CDH13: variants seen among roughly 807,000 people sequenced by gnomAD.
The protein encoded by CDH13 is cadherin 13, also known as cadherin-13.
In CDH13, 24 loss-of-function variants were observed where a neutral mutation model predicts 63.8. The ratio of observed to expected loss-of-function variants is 0.38; its 90% CI spans 0.27 to 0.53. The LOEUF is 0.53. CDH13 is among the 20% of genes least tolerant of loss of function. CDH13 has a pLI of 0.85. For synonymous variants in CDH13, 503 were observed against 355.3 expected (o/e 1.42, Z -4.67); for missense variants, 1,049 against 903.1 (o/e 1.16, Z -2.07).
chr16:83,061,625 A>T (rs2031558058), intron 3 of CDH13, among the ~76,000 whole-genome samples: 1 of 152,230 alleles, frequency 6.6e-6, no homozygotes, highest in Non-Finnish European at 1.5e-5. Context: ...TCACCAAATG[A>T]CTGTGACACT....
intron 2 of CDH13, among the ~76,000 whole-genome samples, chr16:83,017,397 G>A (rs980639329): frequency 8.6e-5 from 13 of 151,980 alleles, no homozygotes; most frequent in Non-Finnish European, 1.5e-4. Flanking sequence ...GAATAACTTC[G>A]AACATTTACT....
rs570158540 is a variant in CDH13, at chr16:83,103,598, T to G, written c.367-21787T>G. On this transcript the variant is annotated intron_variant, in intron 3 of 13. Transcript: ENST00000567109. ...CACATGCAGGAGATAAGAGGTAGAG[T>G]GGGTGATGGTCCAGGCTCTGAGCGG... 2.6e-5 allele frequency among the ~76,000 whole-genome samples: 4 copies of G among 151,966 alleles called. No homozygotes were observed. The South Asian group carries it at 8.3e-4, about 32-fold the overall frequency.
At chr16:83,711,081 G>A (rs1907969484) in intron 10 of CDH13, among the ~76,000 whole-genome samples, 2 of 152,118 alleles carry the variant, frequency 1.3e-5, no homozygotes, top group South Asian at 2.1e-4. Context: ...ACCACCTTGG[G>A]GCAGGTGCCA....
intron 7 of CDH13, among the ~76,000 whole-genome samples, chr16:83,545,474 T>C (rs1229061736): frequency 2.6e-5 from 4 of 152,176 alleles, no homozygotes; most frequent in African/African-American, 9.7e-5. Flanking sequence ...CTTAAAGAAG[T>C]CTCATTGTCT....
chr16:82,681,121 C>T (rs1017972128), intron 1 of CDH13, among the ~76,000 whole-genome samples: 1 of 152,192 alleles, frequency 6.6e-6, no homozygotes, highest in Middle Eastern at 3.2e-3. Flanking sequence ...CTTGGGAAGA[C>T]TCTGGTGTCT....
rs369127514 is a variant in CDH13, at chr16:83,743,010, C to G, written c.1539-5098C>G. Among the ~76,000 whole-genome samples, 9 of 152,256 alleles carry G rather than the reference C, an allele frequency of 5.9e-5. No individual in the cohort carries two copies. In the South Asian group the frequency reaches 1.2e-3, roughly 21 times the overall value. On this transcript the variant is annotated intron_variant, in intron 10 of 13. Coordinates refer to ENST00000567109, the MANE Select transcript of CDH13 (RefSeq NM_001257.5). The stretch of plus-strand genomic sequence containing the variant: ...ATCGCTTGAGGTCAGGAGTTCGAGA[C>G]CAGCCTGGCCAACTTGGTGAAACCC...
intron 2 of CDH13, among the ~76,000 whole-genome samples, chr16:82,930,467 C>G (rs902298716): frequency 1.4e-4 from 12 of 83,970 alleles, no homozygotes; most frequent in African/African-American, 6.3e-4. Context: ...AATGTTTTAA[C>G]TTTTTCTTGA....
At chr16:83,134,583 G>GAGAA (rs1555600118) in intron 4 of CDH13, among the ~76,000 whole-genome samples, 3 of 59,762 alleles carry the variant, frequency 5.0e-5, no homozygotes, top group African/African-American at 3.7e-4. Context: ...GAGAGAGAGA[G>GAGAA]AGAGAGAGAG....
chr16:82,887,279 C>A (rs1876367612), intron 2 of CDH13, among the ~76,000 whole-genome samples: 1 of 152,258 alleles, frequency 6.6e-6, no homozygotes, highest in Middle Eastern at 3.4e-3. Context: ...TAGTAAGAGT[C>A]TAATTTGGCC....
chr16:83,208,492 G>A (rs1258104572), intron 4 of CDH13, among the ~76,000 whole-genome samples: 1 of 151,592 alleles, frequency 6.6e-6, no homozygotes, highest in Non-Finnish European at 1.5e-5. Context: ...CCTATTTAAC[G>A]TAGAGTAGAA....
intron 5 of CDH13, among the ~76,000 whole-genome samples, chr16:83,344,345 C>T (rs769380468): frequency 2.0e-5 from 3 of 152,180 alleles, no homozygotes; most frequent in African/African-American, 7.2e-5. Context: ...GCAGGAATCC[C>T]GAGGTCTCAT....
intron 1 of CDH13, chr16:82,823,138 T>C (rs561368291): frequency 1.4e-4 from 21 of 152,360 alleles, no homozygotes; most frequent in Admixed American, 4.6e-4. Context: ...CTGGACAAGC[T>C]GTACTACCTT....
At chr16:83,723,843 G>C (rs1452247547) in intron 10 of CDH13, among the ~76,000 whole-genome samples, 1 of 152,190 alleles carries the variant, frequency 6.6e-6, no homozygotes, top group African/African-American at 2.4e-5. Context: ...TGAGGGGATG[G>C]GTGGACAGAT....
chr16:83,620,410 AGAT>A (rs1909705941), intron 8 of CDH13, among the ~76,000 whole-genome samples: 1 of 141,630 alleles, frequency 7.1e-6, no homozygotes, highest in Non-Finnish European at 1.5e-5. Context: ...AAAAAAAAAA[AGAT>A]ATAGGGAGGA....
intron 5 of CDH13, among the ~76,000 whole-genome samples, chr16:83,260,523 A>C (rs2113294): frequency 0.11 from 17,161 of 152,198 alleles, 1,389 homozygotes; most frequent in East Asian, 0.31. Context: ...TCAGTCTTCG[A>C]GGGAGTGCTG....
intron 1 of CDH13, among the ~76,000 whole-genome samples, chr16:82,714,432 G>A (rs1340220987): frequency 6.6e-6 from 1 of 152,024 alleles, no homozygotes; most frequent in East Asian, 1.9e-4. Flanking sequence ...AAGAAAAGAG[G>A]GTCGGGCATG....
intron 2 of CDH13, among the ~76,000 whole-genome samples, chr16:83,020,162 T>C (rs1393817944): frequency 6.6e-6 from 1 of 152,184 alleles, no homozygotes; most frequent in Non-Finnish European, 1.5e-5. Flanking sequence ...TTTGGACAAA[T>C]ATGACGTCAT....
chr16:83,140,135 A>C (rs1168981309), intron 4 of CDH13, among the ~76,000 whole-genome samples: 2 of 152,248 alleles, frequency 1.3e-5, no homozygotes, highest in African/African-American at 4.8e-5. Context: ...CCAGAGGTTT[A>C]GATCCCATAG....
intron 3 of CDH13, among the ~76,000 whole-genome samples, chr16:83,055,332 C>G (rs72796218): frequency 1.1e-4 from 16 of 151,070 alleles, no homozygotes; most frequent in Admixed American, 9.9e-4. Context: ...AAAGTTTGTT[C>G]TTTGAAAGTT....
Sources: allele counts gnomAD v4.1 joint callset (sites outside exome capture counted in the v4.1 genomes callset), GRCh38; gene constraint gnomAD v4.1.1; transcripts MANE v1.5; gene names NCBI Gene and HGNC (gene_info 2026-07-23, HGNC 2026-07-21).